Variants in NTM observed in about 807,000 individuals in gnomAD.
The protein encoded by NTM is neurotrimin, also known as IgLON family member 2.
In NTM, 13 loss-of-function variants were observed where a neutral mutation model predicts 42.1. That is an observed-to-expected ratio of 0.31 (90% CI 0.20 to 0.49). The LOEUF is 0.49. Ranked by LOEUF, NTM falls within the 20% of genes least tolerant of loss-of-function variation. The pLI is 0.99. For missense variants in NTM, 373 were observed against 452.8 expected (o/e 0.82, Z 1.60); for synonymous variants, 187 against 179.2 (o/e 1.04, Z -0.35).
At chr11:132,042,766 CACA>C (rs2077374943) in intron 2 of NTM, among the ~76,000 whole-genome samples, 2 of 152,184 alleles carry the variant, frequency 1.3e-5, no homozygotes, top group Non-Finnish European at 2.9e-5. Flanking sequence ...AGATAGGATA[CACA>C]AAGCTAGATT....
chr11:132,011,584 G>C (rs2072207408), intron 2 of NTM, among the ~76,000 whole-genome samples: 1 of 152,050 alleles, frequency 6.6e-6, no homozygotes, highest in Non-Finnish European at 1.5e-5. Context: ...CTGTGTACCT[G>C]ACCTTTACAA....
At chr11:131,820,645 G>A (rs1039953652) in intron 1 of NTM, among the ~76,000 whole-genome samples, 2 of 152,044 alleles carry the variant, frequency 1.3e-5, no homozygotes, top group Admixed American at 1.3e-4. Flanking sequence ...GTCATTCCCA[G>A]GCATCCATTT....
intron 4 of NTM, among the ~76,000 whole-genome samples, chr11:132,228,356 G>A (rs1195156957): frequency 6.6e-6 from 1 of 152,206 alleles, no homozygotes; most frequent in Non-Finnish European, 1.5e-5. Flanking sequence ...TGTTAGGGAT[G>A]AGGGAGAGCT....
intron 2 of NTM, among the ~76,000 whole-genome samples, chr11:132,104,937 G>GTATGTA (rs1555263301): frequency 8.1e-5 from 5 of 61,816 alleles, no homozygotes; most frequent in Admixed American, 2.4e-4. Flanking sequence ...ATATACATAT[G>GTATGTA]TATATATATA....
chr11:131,786,354 A>G (rs1054280876), intron 1 of NTM, among the ~76,000 whole-genome samples: 1 of 152,226 alleles, frequency 6.6e-6, no homozygotes, highest in Non-Finnish European at 1.5e-5. Context: ...CATTGGGGTT[A>G]TATCTGTTTT....
chr11:132,168,357 G>A (rs895872543), intron 3 of NTM, among the ~76,000 whole-genome samples: 3 of 152,122 alleles, frequency 2.0e-5, no homozygotes, highest in Non-Finnish European at 4.4e-5. Context: ...CTGGTTAAAG[G>A]TTGACTTGGT....
At chr11:132,200,477 G>T (rs1019919388) in intron 3 of NTM, among the ~76,000 whole-genome samples, 9 of 152,320 alleles carry the variant, frequency 5.9e-5, no homozygotes, top group Non-Finnish European at 1.3e-4. Context: ...GCACTTTACT[G>T]CAGTCATGGG....
chr11:131,598,705 T>C (rs1317863679), intron 1 of NTM, among the ~76,000 whole-genome samples: 9 of 41,786 alleles, frequency 2.2e-4, no homozygotes, highest in East Asian at 1.3e-3. Context: ...CTTTCTTTCT[T>C]TCTTTCTTTC....
At chr11:132,148,807 G>C (rs900626788) in intron 3 of NTM, among the ~76,000 whole-genome samples, 1 of 152,132 alleles carries the variant, frequency 6.6e-6, no homozygotes. Context: ...GTTTTTGGGG[G>C]TGAGATGATG....
chr11:131,709,059 A>G (rs943564998), intron 1 of NTM, among the ~76,000 whole-genome samples: 1 of 152,186 alleles, frequency 6.6e-6, no homozygotes, highest in African/African-American at 2.4e-5. Context: ...AGGGAAAAAA[A>G]GGTGCAAAGT....
intron 1 of NTM, among the ~76,000 whole-genome samples, chr11:131,786,152 A>C (rs1429634661): frequency 6.6e-6 from 1 of 152,200 alleles, no homozygotes; most frequent in Non-Finnish European, 1.5e-5. Context: ...AAGACCTCAA[A>C]GTTCTAAACA....
At chr11:131,449,172 C>T (rs1239910319) in intron 1 of NTM, among the ~76,000 whole-genome samples, 7 of 152,176 alleles carry the variant, frequency 4.6e-5, no homozygotes, top group African/African-American at 1.7e-4. Flanking sequence ...CTCATCAGCA[C>T]GGACACCGTG....
At chr11:131,767,746 C>T (rs924917519) in intron 1 of NTM, among the ~76,000 whole-genome samples, 10 of 152,220 alleles carry the variant, frequency 6.6e-5, no homozygotes, top group Non-Finnish European at 1.3e-4. Context: ...TTTTAAGCCC[C>T]TCAGCCTTTT....
chr11:131,703,104 T>C (rs978014169), intron 1 of NTM, among the ~76,000 whole-genome samples: 4 of 152,178 alleles, frequency 2.6e-5, no homozygotes, highest in African/African-American at 9.6e-5. Flanking sequence ...CCATTAACAT[T>C]AGAAGTATTG....
intron 1 of NTM, among the ~76,000 whole-genome samples, chr11:131,502,608 G>A (rs2136382484): frequency 6.6e-6 from 1 of 152,228 alleles, no homozygotes; most frequent in East Asian, 1.9e-4. Context: ...GGCGTCTCTG[G>A]CATCCTGACC....
At chr11:131,505,373 C>A (rs1266283214) in intron 1 of NTM, among the ~76,000 whole-genome samples, 2 of 152,162 alleles carry the variant, frequency 1.3e-5, no homozygotes, top group East Asian at 3.9e-4. Context: ...CTTTGATCAT[C>A]AAAGTATGGT....
intron 3 of NTM, among the ~76,000 whole-genome samples, chr11:132,205,534 C>G (rs546431246): frequency 1.3e-5 from 2 of 152,088 alleles, no homozygotes; most frequent in Non-Finnish European, 2.9e-5. Context: ...GGAACTGTAT[C>G]CAAACAGCAT....
intron 2 of NTM, among the ~76,000 whole-genome samples, chr11:131,972,936 A>G (rs1005018121): frequency 6.6e-6 from 1 of 152,218 alleles, no homozygotes; most frequent in African/African-American, 2.4e-5. Flanking sequence ...CATCTTACTA[A>G]GTAGAAACAA....
At chr11:131,637,883 T>C (rs997377554) in intron 1 of NTM, among the ~76,000 whole-genome samples, 1 of 152,140 alleles carries the variant, frequency 6.6e-6, no homozygotes, top group Admixed American at 6.5e-5. Context: ...TCAACAATGG[T>C]AGAATTTTCT....
Sources: allele counts gnomAD v4.1 joint callset (sites outside exome capture counted in the v4.1 genomes callset), GRCh38; gene constraint gnomAD v4.1.1; transcripts MANE v1.5; gene names NCBI Gene and HGNC (gene_info 2026-07-23, HGNC 2026-07-21).